Variants in MAP2K1 observed in about 807,000 individuals in gnomAD.
MAP2K1 encodes the protein dual specificity mitogen-activated protein kinase kinase 1.
In MAP2K1, 16 loss-of-function variants were observed where a neutral mutation model predicts 46.3. That is an observed-to-expected ratio of 0.35 (90% CI 0.23 to 0.52). MAP2K1 has a LOEUF of 0.52. Ranked by LOEUF, MAP2K1 falls within the 20% of genes least tolerant of loss-of-function variation. The pLI, the probability that MAP2K1 is intolerant of heterozygous loss-of-function variation, is 0.94. For synonymous variants in MAP2K1, 183 were observed against 185.6 expected (o/e 0.99, Z 0.11); for missense variants, 263 against 497.1 (o/e 0.53, Z 4.48).
chr15:66,424,346 C>T (rs1251202099), intron 1 of MAP2K1, among the ~76,000 whole-genome samples: 2 of 152,216 alleles, frequency 1.3e-5, no homozygotes, highest in African/African-American at 4.8e-5. Flanking sequence ...GCATGAGCCA[C>T]CGTGTCCAGC....
At chr15:66,438,892 G>A (rs1053094481) in intron 3 of MAP2K1, among the ~76,000 whole-genome samples, 1 of 152,176 alleles carries the variant, frequency 6.6e-6, no homozygotes, top group African/African-American at 2.4e-5. Flanking sequence ...CCTGCCATAG[G>A]ACCTTTTGGC....
At chr15:66,413,159 G>T (rs1595846678) in intron 1 of MAP2K1, among the ~76,000 whole-genome samples, 1 of 152,134 alleles carries the variant, frequency 6.6e-6, no homozygotes, top group African/African-American at 2.4e-5. Context: ...GCCTCCCAAA[G>T]TGCTGGGATT....
At position 66,434,321 on chromosome 15, in the gene MAP2K1, G is replaced by T. The variant is rs376481512; in HGVS notation, c.81-706G>T. 3.9e-5 allele frequency among the ~76,000 whole-genome samples: 6 copies of T among 152,212 alleles called. No homozygotes were observed. The South Asian group carries it at 1.2e-3, about 32-fold the overall frequency. On this transcript the variant is annotated intron_variant, in intron 1 of 10. Coordinates refer to ENST00000307102, the MANE Select transcript of MAP2K1 (RefSeq NM_002755.4). ...ACTTTAACCAGCTTTAACAAATCAG[G>T]AATAGGAAATTGTCGACAATGTATT... is the stretch of plus-strand genomic sequence containing the variant.
chr15:66,398,930 G>C (rs953766099), intron 1 of MAP2K1, among the ~76,000 whole-genome samples: 2 of 152,038 alleles, frequency 1.3e-5, no homozygotes, highest in Admixed American at 1.3e-4. Context: ...GTGCTACCAT[G>C]CCCAGCTAAT....
chr15:66,413,204 C>T (rs2093415874), intron 1 of MAP2K1, among the ~76,000 whole-genome samples: 1 of 152,104 alleles, frequency 6.6e-6, no homozygotes, highest in Non-Finnish European at 1.5e-5. Context: ...CCCCTTGTGT[C>T]AATTTTTAGA....
At chr15:66,403,934 A>G (rs558217384) in intron 1 of MAP2K1, among the ~76,000 whole-genome samples, 1 of 152,188 alleles carries the variant, frequency 6.6e-6, no homozygotes. Context: ...GAAGTTAGCA[A>G]GAATTCCAAG....
rs1365310009 is a variant in MAP2K1, at chr15:66,490,254, GT to G, written c.1069-246del. 7.9e-6 allele frequency: 5 copies of G among 632,890 alleles called. No individual in the cohort carries two copies. In the East Asian group the frequency reaches 1.5e-4, roughly 19 times the overall value. 39.2% of individuals were successfully genotyped at this position (632,890 alleles called of 1,614,324 possible). ...AAGCCTGTGAGGCATTTAAGGCAGAGTTACTGTCTCCATACTGCACGAGTAG... is the reference window on the plus strand; with the variant it reads ...AAGCCTGTGAGGCATTTAAGGCAGAGTACTGTCTCCATACTGCACGAGTAG... On this transcript the variant is annotated intron_variant, in intron 10 of 10. Coordinates refer to ENST00000307102, the MANE Select transcript of MAP2K1 (RefSeq NM_002755.4).
chr15:66,440,831 G>T (rs2093501667), intron 3 of MAP2K1, among the ~76,000 whole-genome samples: 1 of 152,180 alleles, frequency 6.6e-6, no homozygotes, highest in South Asian at 2.1e-4. Context: ...ATGGTTAGTT[G>T]CAGGCAACCC....
chr15:66,462,046 T>C (rs1436969590), intron 5 of MAP2K1, among the ~76,000 whole-genome samples: 2 of 152,216 alleles, frequency 1.3e-5, no homozygotes, highest in African/African-American at 4.8e-5. Flanking sequence ...GAAGAGATAG[T>C]TCCTATCCTC....
intron 1 of MAP2K1, among the ~76,000 whole-genome samples, chr15:66,392,648 G>A (rs904366665): frequency 6.6e-6 from 1 of 150,562 alleles, no homozygotes; most frequent in African/African-American, 2.5e-5. Flanking sequence ...CCGCCCCCCA[G>A]GTTCAAGCTA....
rs1476974997 is a variant in MAP2K1, at chr15:66,420,837, ATATG to A, written c.81-14188_81-14185del. ...TATGTGTATATATATATGTGTATATATATGTGTGTATATATATGTGTGTATATAT... is the reference window on the plus strand; with the variant it reads ...TATGTGTATATATATATGTGTATATATGTGTATATATATGTGTGTATATAT... On this transcript the variant is annotated intron_variant, in intron 1 of 10. Coordinates refer to ENST00000307102, the MANE Select transcript of MAP2K1 (RefSeq NM_002755.4). Among the ~76,000 whole-genome samples the A allele has an allele frequency of 1.4e-3, 109 of 75,192 alleles. 25 individuals are homozygous for A. The highest frequency in any genetic ancestry group is 8.3e-3 in the Middle Eastern group (1 of 120). 49.3% of individuals were successfully genotyped at this position (75,192 alleles called of 152,430 possible). A position where few individuals can be genotyped will look rare whatever the true frequency, so the allele number is the denominator to read the frequency against.
At chr15:66,466,212 A>G (rs1202280001) in intron 5 of MAP2K1, among the ~76,000 whole-genome samples, 1 of 152,254 alleles carries the variant, frequency 6.6e-6, no homozygotes, top group Non-Finnish European at 1.5e-5. Flanking sequence ...TAAAACAACC[A>G]GTTTCTCCAA....
chr15:66,452,299 A>G (rs1251431779), intron 5 of MAP2K1, among the ~76,000 whole-genome samples: 4 of 44,314 alleles, frequency 9.0e-5, no homozygotes, highest in African/African-American at 2.6e-4. Context: ...AAAAAAAAAA[A>G]AAAAGAAAAA....
chr15:66,471,554 C>T (rs1053446493), intron 5 of MAP2K1, among the ~76,000 whole-genome samples: 2 of 152,078 alleles, frequency 1.3e-5, no homozygotes, highest in African/African-American at 4.8e-5. Flanking sequence ...CCCTAAATGG[C>T]CTACTTAATA....
Position 66,491,265 on chromosome 15 carries a change from A to G in MAP2K1, c.*650A>G. ...GACTTCTGGTTGTATTTCTATATTT[A>G]TTTTCAGTATACTGTGTGGGATACT... On this transcript the variant is annotated 3_prime_UTR_variant, in exon 11 of 11. Transcript: ENST00000307102. 1 of 236,970 alleles carries G rather than the reference A, an allele frequency of 4.2e-6. No individual in the cohort carries two copies. Among genetic ancestry groups the G allele is most frequent in the Non-Finnish European group, 8.3e-6 (1 of 120,124 alleles). The allele number at this position is 236,970 out of a possible 1,614,324, so 14.7% of individuals were successfully genotyped here. A position where few individuals can be genotyped will look rare whatever the true frequency, so the allele number is the denominator to read the frequency against.
At chr15:66,463,819 A>G (rs1892392095) in intron 5 of MAP2K1, among the ~76,000 whole-genome samples, 1 of 152,178 alleles carries the variant, frequency 6.6e-6, no homozygotes, top group African/African-American at 2.4e-5. Context: ...GAGTCGTGAG[A>G]CATCAATTAA....
chr15:66,406,183 TG>T (rs537443566), intron 1 of MAP2K1, among the ~76,000 whole-genome samples: 24 of 152,168 alleles, frequency 1.6e-4, no homozygotes, highest in Non-Finnish European at 2.9e-4. Context: ...TTTGCTGAAA[TG>T]GAAAAAGATG....
intron 1 of MAP2K1, among the ~76,000 whole-genome samples, chr15:66,412,734 G>A (rs1566999849): frequency 6.6e-6 from 1 of 151,980 alleles, no homozygotes; most frequent in South Asian, 2.1e-4. Flanking sequence ...CAGGCTGGAG[G>A]GCAGTGGCTA....
intron 1 of MAP2K1, among the ~76,000 whole-genome samples, chr15:66,428,968 TG>T (rs1230947349): frequency 2.0e-5 from 3 of 151,814 alleles, no homozygotes; most frequent in Non-Finnish European, 1.5e-5. Flanking sequence ...TTTGTAGAGA[TG>T]GGGTTTCACT....
Sources: allele counts gnomAD v4.1 joint callset (sites outside exome capture counted in the v4.1 genomes callset), GRCh38; gene constraint gnomAD v4.1.1; transcripts MANE v1.5; gene names NCBI Gene and HGNC (gene_info 2026-07-23, HGNC 2026-07-21).